SLC15A2: variants seen among roughly 807,000 people sequenced by gnomAD.
SLC15A2 encodes the protein solute carrier family 15 member 2.
SLC15A2 carries 77 observed loss-of-function variants against 95.5 expected under a neutral mutation model. The observed-to-expected ratio is 0.81, with a 90% confidence interval of 0.67 to 0.97. SLC15A2 has a LOEUF of 0.97. Ranked by LOEUF, SLC15A2 falls within the 50% of genes least tolerant of loss-of-function variation. SLC15A2 has a pLI of 0.00. For missense variants in SLC15A2, 893 were observed against 874.4 expected (o/e 1.02, Z -0.27); for synonymous variants, 306 against 306.9 (o/e 1.00, Z 0.03).
chr3:121,919,077 C>T (rs1174494763), intron 7 of SLC15A2, among the ~76,000 whole-genome samples: 2 of 152,198 alleles, frequency 1.3e-5, no homozygotes, highest in Non-Finnish European at 2.9e-5. Context: ...CTAGCAATTG[C>T]AGAGTCCTAA....
chr3:121,939,951 G>A (rs891504664), intron 20 of SLC15A2, among the ~76,000 whole-genome samples: 14 of 151,862 alleles, frequency 9.2e-5, no homozygotes, highest in African/African-American at 3.4e-4. Context: ...GATTATAGGC[G>A]CACACCACCA....
intron 4 of SLC15A2, 92 bp downstream of exon 4, chr3:121,911,758 T>G: frequency 1.2e-6 from 1 of 849,180 alleles, no homozygotes; most frequent in Non-Finnish European, 1.9e-6. Flanking sequence ...TCTCTTTATT[T>G]TCAATCTACA....
At chr3:121,938,420 C>T (rs564828893) in intron 19 of SLC15A2, among the ~76,000 whole-genome samples, 15 of 152,326 alleles carry the variant, frequency 9.8e-5, no homozygotes, top group African/African-American at 2.9e-4. Flanking sequence ...AGCGAGACTC[C>T]GTGGGCGTAG....
chr3:121,900,635 A>G (rs575326882), intron 3 of SLC15A2, among the ~76,000 whole-genome samples: 30 of 152,268 alleles, frequency 2.0e-4, no homozygotes, highest in African/African-American at 7.0e-4. Flanking sequence ...TTCTGTAATC[A>G]TATCCAATGA....
intron 13 of SLC15A2, among the ~76,000 whole-genome samples, 178 bp downstream of exon 13, chr3:121,925,211 A>G (rs936565222): frequency 1.3e-5 from 2 of 152,024 alleles, no homozygotes; most frequent in East Asian, 3.9e-4. Flanking sequence ...TGTGAATTAG[A>G]TATAATTAAT....
At chr3:121,918,975 T>G (rs904699624) in intron 7 of SLC15A2, among the ~76,000 whole-genome samples, 16 of 152,300 alleles carry the variant, frequency 1.1e-4, no homozygotes, top group Non-Finnish European at 8.8e-5. Flanking sequence ...TCGCTCAGCC[T>G]GCGACTGGAC....
rs763971553 is a variant in SLC15A2 at position 121,928,496 on chromosome 3, G to A, written c.1282G>A (p.Val428Met). ...GAATCTGGCAGATGATGAGGTGAAG[G>A]TGACAGTGGTGGGAAATGAAAACAA... ...VLNLADDEVKVTVVGNENNSL... is the reference protein window; with the variant it reads ...VLNLADDEVKMTVVGNENNSL... The change falls in exon 15 of 22, where the codon GTG becomes ATG. Residue 428 changes from valine (V) to methionine (M), a missense_variant. Coordinates refer to ENST00000489711, the MANE Select transcript of SLC15A2 (RefSeq NM_021082.4). The A allele has an allele frequency of 6.2e-7, 1 of 1,614,116 alleles. No homozygotes were observed. The highest frequency in any genetic ancestry group is 8.5e-7 in the Non-Finnish European group (1 of 1,179,952).
At chr3:121,912,228 T>TTTGA (rs1414217433) in intron 4 of SLC15A2, among the ~76,000 whole-genome samples, 2 of 151,976 alleles carry the variant, frequency 1.3e-5, no homozygotes, top group Non-Finnish European at 2.9e-5. Context: ...AGTTAGAAAT[T>TTTGA]TTGTTTGTTT....
At chr3:121,895,049 G>C (rs1709391880) in intron 1 of SLC15A2, among the ~76,000 whole-genome samples, 1 of 152,230 alleles carries the variant, frequency 6.6e-6, no homozygotes, top group Non-Finnish European at 1.5e-5. Flanking sequence ...AGATAGGACA[G>C]AGAAACAGAG....
chr3:121,912,075 T>G (rs571888879), intron 4 of SLC15A2, among the ~76,000 whole-genome samples: 8 of 152,346 alleles, frequency 5.3e-5, no homozygotes, highest in African/African-American at 1.7e-4. Context: ...TTGCTATTGA[T>G]GTTTATGGGA....
chr3:121,905,383 T>C (rs1709615107), intron 3 of SLC15A2, among the ~76,000 whole-genome samples: 1 of 152,218 alleles, frequency 6.6e-6, no homozygotes, highest in African/African-American at 2.4e-5. Context: ...TTTCTTGCCT[T>C]CTGCTAGCTT....
chr3:121,922,893 T>C, intron 9 of SLC15A2, 32 bp downstream of exon 9: 1 of 1,586,362 alleles, frequency 6.3e-7, no homozygotes, highest in Non-Finnish European at 8.7e-7. Flanking sequence ...ATCTTATGGC[T>C]TGATAGAGTC....
At chr3:121,922,721 G>C in intron 8 of SLC15A2, 54 bp from the exon 9 acceptor site, 1 of 1,332,832 alleles carries the variant, frequency 7.5e-7, no homozygotes, top group Non-Finnish European at 1.1e-6. Flanking sequence ...AGTTGGAAAA[G>C]GCAGAGGATG....
In SLC15A2 at chr3:121,922,863, T is replaced by C. The variant is rs142221393; in HGVS notation, c.867+2T>C. The C allele has an allele frequency of 1.5e-5, 24 of 1,612,442 alleles. No individual in the cohort carries two copies. Among genetic ancestry groups the C allele is most frequent in the Non-Finnish European group, 2.0e-5 (24 of 1,178,512 alleles). On this transcript the variant is annotated splice_donor_variant, in intron 9 of 21. Transcript: ENST00000489711. LOFTEE classifies it high-confidence loss of function. The stretch of plus-strand genomic sequence containing the variant: ...GACTGGGCGGCTGAGAAATATCCAG[T>C]AAGTTGGAAATGCAGAAACATCTTA...
Position 121,915,725 on chromosome 3 carries a change from T to C in SLC15A2, c.697+32T>C, listed in dbSNP as rs139945955. 5 of 1,473,308 alleles carry C rather than the reference T, an allele frequency of 3.4e-6. No individual in the cohort carries two copies. In the East Asian group the frequency reaches 1.1e-4, roughly 33 times the overall value. The allele number at this position is 1,473,308 out of a possible 1,614,324, so 91.3% of individuals were successfully genotyped here. On this transcript the variant is annotated intron_variant, in intron 7 of 21. Transcript: ENST00000489711. ...GCAGTGAAGCAAAGGAAACTAATAATCATTGATACCTGACACATGTAAAGC... is the reference window on the plus strand; with the variant it reads ...GCAGTGAAGCAAAGGAAACTAATAACCATTGATACCTGACACATGTAAAGC...
chr3:121,932,106 G>C (rs887504764), intron 19 of SLC15A2, among the ~76,000 whole-genome samples: 7 of 152,090 alleles, frequency 4.6e-5, no homozygotes, highest in Non-Finnish European at 1.0e-4. Flanking sequence ...GTTTTGCCGT[G>C]TTGGCCAGGC....
chr3:121,929,803 C>T (rs1274679014), intron 17 of SLC15A2, among the ~76,000 whole-genome samples: 2 of 151,946 alleles, frequency 1.3e-5, no homozygotes, highest in Non-Finnish European at 2.9e-5. Flanking sequence ...GTTTTGAATC[C>T]AGATAAGGCT....
At chr3:121,894,626 C>T (rs1422940331) in intron 1 of SLC15A2, 45 bp downstream of exon 1, 1 of 1,443,532 alleles carries the variant, frequency 6.9e-7, no homozygotes. Flanking sequence ...AATGGCCTCC[C>T]TCTTTTGGCT....
At chr3:121,917,121 A>G (rs766022511) in intron 7 of SLC15A2, among the ~76,000 whole-genome samples, 3 of 152,046 alleles carry the variant, frequency 2.0e-5, no homozygotes, top group Admixed American at 1.3e-4. Context: ...CGCCCAGCCA[A>G]TTAATTTATT....
Sources: allele counts gnomAD v4.1 joint callset (sites outside exome capture counted in the v4.1 genomes callset), GRCh38; gene constraint gnomAD v4.1.1; transcripts MANE v1.5; gene names NCBI Gene and HGNC (gene_info 2026-07-23, HGNC 2026-07-21).